The following PIBF1 variants were observed in gnomAD, a reference collection of about 807,000 sequenced individuals.
The protein encoded by PIBF1 is progesterone-induced-blocking factor 1.
A neutral mutation model predicts 112.5 loss-of-function variants in PIBF1; 90 were observed. The ratio of observed to expected loss-of-function variants is 0.80; its 90% confidence interval spans 0.67 to 0.95. PIBF1 has a LOEUF of 0.95. Among genes scored for constraint, PIBF1 ranks in the 40% least tolerant of loss-of-function variants. The probability of loss-of-function intolerance (pLI) is 0.00; values close to 1 mark genes in which losing one functional copy is unlikely to be tolerated. For missense variants in PIBF1, 915 were observed against 852.3 expected, an observed-to-expected ratio of 1.07 and a Z score of -0.92; for synonymous variants, 301 against 288.6, an observed-to-expected ratio of 1.04 and a Z score of -0.44.
At chr13:72,879,764 T>C (rs1051636256) in intron 10 of PIBF1, among the ~76,000 whole-genome samples, 2 of 152,200 alleles carry the variant, frequency 1.3e-5, no homozygotes, top group African/African-American at 2.4e-5. Flanking sequence ...CAAGCTAAGA[T>C]TGGTTTGTGT....
intron 2 of PIBF1, among the ~76,000 whole-genome samples, chr13:72,791,187 TG>T (rs1414733939): frequency 6.6e-6 from 1 of 152,082 alleles, no homozygotes; most frequent in East Asian, 1.9e-4. Context: ...CCCGAGTAGC[TG>T]GGACTACAGG....
intron 11 of PIBF1, among the ~76,000 whole-genome samples, chr13:72,900,888 G>A (rs1307548847): frequency 6.6e-6 from 1 of 152,206 alleles, no homozygotes; most frequent in East Asian, 1.9e-4. Context: ...CAGGTGTGGT[G>A]GTGCATGCCT....
At chr13:72,879,854 G>A (rs958078775) in intron 10 of PIBF1, among the ~76,000 whole-genome samples, 2 of 152,200 alleles carry the variant, frequency 1.3e-5, no homozygotes, top group Non-Finnish European at 2.9e-5. Context: ...AAATGTAGAT[G>A]TTAGTGTATA....
At chr13:72,920,707 A>T (rs936186630) in intron 13 of PIBF1, among the ~76,000 whole-genome samples, 8 of 152,130 alleles carry the variant, frequency 5.3e-5, no homozygotes, top group African/African-American at 1.9e-4. Flanking sequence ...GGATCACTTG[A>T]GACCAGCAGT....
chr13:72,991,624 C>T (rs1004482012), intron 16 of PIBF1, among the ~76,000 whole-genome samples: 1 of 152,020 alleles, frequency 6.6e-6, no homozygotes, highest in African/African-American at 2.4e-5. Flanking sequence ...TTTGGTGGCT[C>T]ACACCTGTAA....
intron 9 of PIBF1, among the ~76,000 whole-genome samples, chr13:72,838,243 A>G (rs1471222322): frequency 1.3e-5 from 2 of 152,194 alleles, no homozygotes; most frequent in Admixed American, 6.5e-5. Flanking sequence ...CTGGTAGTCT[A>G]ATGGAGGGTA....
chr13:72,915,836 G>A (rs1594188665), intron 12 of PIBF1, among the ~76,000 whole-genome samples: 1 of 152,208 alleles, frequency 6.6e-6, no homozygotes. Context: ...CTACAGAAGG[G>A]CCAATCAACA....
At position 72,935,840 on chromosome 13, in the gene PIBF1, G is replaced by A. The variant is rs141288512; in HGVS notation, c.1833+4573G>A. 7.6e-3 allele frequency among the ~76,000 whole-genome samples: 1,151 copies of A among 152,062 alleles called. 14 individuals carry two copies. The highest frequency in any genetic ancestry group is 0.014 in the Middle Eastern group (4 of 294). On this transcript the variant is annotated intron_variant, in intron 14 of 17. Transcript: ENST00000326291. ...TTGCCCTCTGTTTATCTTCTTGGGAGAAGTGTCTCCTCACATTTTTTGTCT... is the reference window on the plus strand; with the variant it reads ...TTGCCCTCTGTTTATCTTCTTGGGAAAAGTGTCTCCTCACATTTTTTGTCT...
At chr13:72,861,558 T>G (rs2038699969) in intron 10 of PIBF1, among the ~76,000 whole-genome samples, 1 of 152,106 alleles carries the variant, frequency 6.6e-6, no homozygotes, top group African/African-American at 2.4e-5. Flanking sequence ...CTTTCAGTGC[T>G]TTTTTTCATA....
chr13:73,015,997 A>G lies in PIBF1; in HGVS notation c.*78A>G. On this transcript the variant is annotated 3_prime_UTR_variant, in exon 18 of 18. Transcript: ENST00000326291. ...TCTGATGGAAAACAAAATTCAGCTT[A>G]ATCGTGTACTCAGCATTTTTTAAAT... 1 of 709,992 alleles carries G rather than the reference A, an allele frequency of 1.4e-6. No individual in the cohort carries two copies. Among genetic ancestry groups the G allele is most frequent in the Non-Finnish European group, 2.2e-6 (1 of 445,532 alleles). 44.0% of individuals were successfully genotyped at this position (709,992 alleles called of 1,614,324 possible).
intron 9 of PIBF1, among the ~76,000 whole-genome samples, chr13:72,846,891 G>A (rs971657066): frequency 2.0e-5 from 3 of 152,080 alleles, no homozygotes; most frequent in African/African-American, 7.2e-5. Flanking sequence ...TGCCTGGTAC[G>A]CAGTAAACAC....
At chr13:72,941,795 A>G (rs2042017041) in intron 14 of PIBF1, among the ~76,000 whole-genome samples, 1 of 152,212 alleles carries the variant, frequency 6.6e-6, no homozygotes. Context: ...TTTTTCAAAA[A>G]ACAAATTGCA....
At chr13:72,866,139 C>T (rs903448323) in intron 10 of PIBF1, among the ~76,000 whole-genome samples, 1 of 152,150 alleles carries the variant, frequency 6.6e-6, no homozygotes, top group African/African-American at 2.4e-5. Context: ...GTGGCTTTCT[C>T]CTTTGTGTGC....
At chr13:72,784,790 A>G (rs2138309838) in intron 2 of PIBF1, among the ~76,000 whole-genome samples, 1 of 152,244 alleles carries the variant, frequency 6.6e-6, no homozygotes, top group Non-Finnish European at 1.5e-5. Flanking sequence ...AAGTATTGAA[A>G]TATGGAGTGA....
chr13:72,870,537 T>C (rs1230682529), intron 10 of PIBF1, among the ~76,000 whole-genome samples: 1 of 152,174 alleles, frequency 6.6e-6, no homozygotes, highest in African/African-American at 2.4e-5. Flanking sequence ...AAGTCAATAT[T>C]TATTGAACCT....
chr13:72,785,846 A>G (rs2034570859), intron 2 of PIBF1, among the ~76,000 whole-genome samples: 1 of 152,086 alleles, frequency 6.6e-6, no homozygotes, highest in Non-Finnish European at 1.5e-5. Context: ...CACCTCTTGT[A>G]TTATTTGTTT....
At chr13:72,995,827 G>C (rs769055289) in intron 16 of PIBF1, among the ~76,000 whole-genome samples, 10 of 151,838 alleles carry the variant, frequency 6.6e-5, no homozygotes, top group Non-Finnish European at 1.2e-4. Context: ...GTGGGTGCTT[G>C]TAATCCTAGC....
intron 10 of PIBF1, among the ~76,000 whole-genome samples, chr13:72,870,378 G>T (rs892239939): frequency 6.6e-6 from 1 of 152,150 alleles, no homozygotes; most frequent in Admixed American, 6.6e-5. Flanking sequence ...AAAGAGAAAC[G>T]TATCTCTCCC....
chr13:72,822,718 T>C (rs2036610349), intron 6 of PIBF1, among the ~76,000 whole-genome samples: 1 of 152,266 alleles, frequency 6.6e-6, no homozygotes, highest in South Asian at 2.1e-4. Context: ...ATGAATGATT[T>C]AAATTGTGTA....
Sources: allele counts gnomAD v4.1 joint callset (sites outside exome capture counted in the v4.1 genomes callset), GRCh38; gene constraint gnomAD v4.1.1; transcripts MANE v1.5; gene names NCBI Gene and HGNC (gene_info 2026-07-23, HGNC 2026-07-21).